Variants in ODAD2 observed in about 807,000 individuals in gnomAD.
ODAD2 encodes outer dynein arm-docking complex subunit 2.
In ODAD2, 89 loss-of-function variants were observed where a neutral mutation model predicts 106.8. That is an observed-to-expected ratio of 0.83 (90% CI 0.70 to 0.99). The LOEUF is 0.99. Among genes scored for constraint, ODAD2 ranks in the 50% least tolerant of loss-of-function variants. ODAD2 has a pLI of 0.00. For synonymous variants in ODAD2, 404 were observed against 436.2 expected (o/e 0.93, Z 0.92); for missense variants, 1,168 against 1,238.5 (o/e 0.94, Z 0.85).
intron 16 of ODAD2, among the ~76,000 whole-genome samples, chr10:27,928,672 A>G (rs1845415634): frequency 6.6e-6 from 1 of 152,180 alleles, no homozygotes; most frequent in Non-Finnish European, 1.5e-5. Flanking sequence ...TATAAGAGAA[A>G]CACAATCAAG....
chr10:27,987,512 T>C lies in ODAD2; in HGVS notation c.256A>G (p.Lys86Glu), dbSNP rs768445383. The change falls in exon 3 of 20, where the codon AAA (lysine) becomes GAA (glutamate). Residue 86 changes from lysine (K) to glutamate (E), a missense_variant. Physicochemically the swap from Lys to Glu is moderately conservative, Grantham distance 56. This residue lies in a region of ODAD2 where 430 missense variants were observed against 452.2 expected (regional missense o/e 0.95). Transcript: ENST00000305242. The part of the protein sequence containing the change: ...ETTVKSEEVD[K>E]NGQPLLFLSV... ...AGAAATAGCAAAGGCTGTCCATTTT[T>C]ATCAACTTCTTCTGATTTGACTGTT... is the stretch of plus-strand genomic sequence containing the variant. The C allele has an allele frequency of 5.6e-6, 9 of 1,611,906 alleles. No homozygotes were observed. Among genetic ancestry groups the C allele is most frequent in the Non-Finnish European group, 7.6e-6 (9 of 1,179,322 alleles).
At chr10:27,846,272 C>T (rs1838742735) in intron 19 of ODAD2, among the ~76,000 whole-genome samples, 4 of 152,000 alleles carry the variant, frequency 2.6e-5, no homozygotes, top group Non-Finnish European at 5.9e-5. Context: ...AAGAAACTCA[C>T]TCAAAACCGC....
intron 19 of ODAD2, among the ~76,000 whole-genome samples, chr10:27,835,263 A>G (rs1399678512): frequency 6.6e-6 from 1 of 152,206 alleles, no homozygotes; most frequent in Non-Finnish European, 1.5e-5. Flanking sequence ...TGGAAAACAG[A>G]GAGGCTGAGG....
intron 10 of ODAD2, among the ~76,000 whole-genome samples, chr10:27,954,311 C>T (rs1847566077): frequency 6.6e-6 from 1 of 152,142 alleles, no homozygotes; most frequent in Non-Finnish European, 1.5e-5. Context: ...TTTTAAGGAA[C>T]AAAAATAAGT....
intron 7 of ODAD2, among the ~76,000 whole-genome samples, chr10:27,975,532 C>T (rs1247752285): frequency 2.0e-5 from 3 of 152,070 alleles, no homozygotes; most frequent in Non-Finnish European, 2.9e-5. Context: ...GCAACTTACA[C>T]CAAATGAACA....
chr10:27,978,701 A>G (rs1849345111), intron 7 of ODAD2, among the ~76,000 whole-genome samples: 1 of 152,114 alleles, frequency 6.6e-6, no homozygotes, highest in African/African-American at 2.4e-5. Context: ...CTGAGGCAGA[A>G]GAACCACATG....
intron 7 of ODAD2, among the ~76,000 whole-genome samples, chr10:27,972,266 G>A (rs1202185208): frequency 2.0e-5 from 3 of 151,926 alleles, no homozygotes; most frequent in Admixed American, 6.6e-5. Context: ...GGGCAGCTAA[G>A]AAACTTTTAG....
chr10:27,940,481 C>T, intron 13 of ODAD2, 82 bp downstream of exon 13: 1 of 1,521,578 alleles, frequency 6.6e-7, no homozygotes, highest in South Asian at 1.2e-5. Flanking sequence ...GTCCTTGAGC[C>T]ATCATGATAA....
chr10:27,862,378 T>C (rs371800861), intron 18 of ODAD2, 56 bp downstream of exon 18: 9 of 1,409,906 alleles, frequency 6.4e-6, no homozygotes, highest in African/African-American at 4.3e-5. Flanking sequence ...TTTTCATCAC[T>C]ACACCATGAT....
intron 17 of ODAD2, among the ~76,000 whole-genome samples, chr10:27,863,576 A>G (rs1430415800): frequency 6.6e-6 from 1 of 152,200 alleles, no homozygotes. Flanking sequence ...TTCTTTTGCC[A>G]TGATGTTGCC....
At chr10:27,819,908 A>G (rs1836466777) in intron 19 of ODAD2, among the ~76,000 whole-genome samples, 1 of 151,942 alleles carries the variant, frequency 6.6e-6, no homozygotes, top group African/African-American at 2.4e-5. Context: ...CTCTGACTGC[A>G]TTTTTAGATC....
intron 19 of ODAD2, among the ~76,000 whole-genome samples, chr10:27,851,517 A>C (rs1839261521): frequency 6.6e-6 from 1 of 152,052 alleles, no homozygotes; most frequent in African/African-American, 2.4e-5. Flanking sequence ...AGGAGATCCA[A>C]ATGAAACGTC....
At chr10:27,985,601 TG>T (rs1226386513) in intron 3 of ODAD2, among the ~76,000 whole-genome samples, 1 of 152,186 alleles carries the variant, frequency 6.6e-6, no homozygotes, top group African/African-American at 2.4e-5. Flanking sequence ...TAGAACTATA[TG>T]TGCATGTGTG....
chr10:27,908,013 C>T (rs1213472443), intron 16 of ODAD2, among the ~76,000 whole-genome samples: 1 of 151,930 alleles, frequency 6.6e-6, no homozygotes, highest in South Asian at 2.1e-4. Flanking sequence ...TTACGATTCA[C>T]ATAAACTGAA....
In ODAD2 at chr10:27,906,911, T is replaced by C. The variant is rs7095395; in HGVS notation, c.2610+752A>G. Among the ~76,000 whole-genome samples the C allele has an allele frequency of 3.7e-3, 559 of 152,190 alleles. 3 individuals carry two copies. Among genetic ancestry groups the C allele is most frequent in the African/African-American group, 0.013 (536 of 41,514 alleles). On this transcript the variant is annotated intron_variant, in intron 17 of 19. Transcript: ENST00000305242. ...ATAGCATTAGGAGAAATACCTAATG[T>C]AGATGACGGGTTGATGGGTGGAGCA...
chr10:27,935,484 G>C (rs1418141775), intron 15 of ODAD2, among the ~76,000 whole-genome samples: 1 of 152,060 alleles, frequency 6.6e-6, no homozygotes, highest in African/African-American at 2.4e-5. Context: ...GAAAACCACA[G>C]CTTGTTCTAA....
rs538291919 is a variant in ODAD2, at chr10:27,880,268, C to T, written c.2611-17646G>A. Among the ~76,000 whole-genome samples, 8 of 152,298 alleles carry T rather than the reference C, an allele frequency of 5.3e-5. No individual in the cohort carries two copies. The South Asian group carries it at 1.7e-3, about 32-fold the overall frequency. Reference sequence around the variant, plus strand: ...AAGAGAATCTTTTAGATATAAATTTCACCTTGTGAAACTTTTCTAAATCTA... The same window carrying T: ...AAGAGAATCTTTTAGATATAAATTTTACCTTGTGAAACTTTTCTAAATCTA... On this transcript the variant is annotated intron_variant, in intron 17 of 19. Transcript: ENST00000305242.
At chr10:27,829,855 C>T (rs1837341805) in intron 19 of ODAD2, among the ~76,000 whole-genome samples, 1 of 151,912 alleles carries the variant, frequency 6.6e-6, no homozygotes, top group South Asian at 2.1e-4. Flanking sequence ...TTTCAGAGCC[C>T]ATCTTACATG....
At chr10:27,835,623 G>T (rs1455644345) in intron 19 of ODAD2, among the ~76,000 whole-genome samples, 1 of 151,960 alleles carries the variant, frequency 6.6e-6, no homozygotes, top group Non-Finnish European at 1.5e-5. Flanking sequence ...ATAAACAGTC[G>T]ATCAACACCT....
Sources: allele counts gnomAD v4.1 joint callset (sites outside exome capture counted in the v4.1 genomes callset), GRCh38; gene constraint gnomAD v4.1.1; regional missense constraint gnomAD v4.1.1; transcripts MANE v1.5; gene names NCBI Gene and HGNC (gene_info 2026-07-23, HGNC 2026-07-21).